Variants in PABPC1L observed in about 807,000 individuals in gnomAD.
PABPC1L encodes polyadenylate-binding protein 1-like.
Under a neutral mutation model 66.6 loss-of-function variants are expected in PABPC1L, and 31 were observed. The ratio of observed to expected loss-of-function variants is 0.47; its 90% CI spans 0.35 to 0.63. PABPC1L has a LOEUF of 0.63. Ranked by LOEUF, PABPC1L falls within the 20% of genes least tolerant of loss-of-function variation. The pLI is 0.00. For synonymous variants in PABPC1L, 348 were observed against 335.1 expected, an observed-to-expected ratio of 1.04 and a Z score of -0.42; for missense variants, 722 against 848.8, an observed-to-expected ratio of 0.85 and a Z score of 1.86.
intron 7 of PABPC1L, among the ~76,000 whole-genome samples, chr20:44,926,884 T>A (rs192230817): frequency 6.6e-6 from 1 of 151,710 alleles, no homozygotes; most frequent in Non-Finnish European, 1.5e-5. Context: ...TTTATTATTA[T>A]TTTTTATTAG....
intron 7 of PABPC1L, among the ~76,000 whole-genome samples, chr20:44,929,628 C>A (rs539579829): frequency 8.8e-4 from 134 of 151,808 alleles, no homozygotes; most frequent in South Asian, 1.0e-3. Context: ...AACCCTCTCT[C>A]TACTGAAAAT....
chr20:44,925,664 C>G (rs1180689883), intron 7 of PABPC1L, among the ~76,000 whole-genome samples: 1 of 152,184 alleles, frequency 6.6e-6, no homozygotes, highest in Non-Finnish European at 1.5e-5. Context: ...AAACATCCTT[C>G]AGGGAGCCTT....
intron 7 of PABPC1L, among the ~76,000 whole-genome samples, chr20:44,926,870 T>C (rs186978210): frequency 4.6e-5 from 7 of 151,580 alleles, no homozygotes; most frequent in Admixed American, 4.6e-4. Flanking sequence ...TTTATATATT[T>C]TGGTTTATTA....
chr20:44,938,458 A>G (rs2066918732), intron 13 of PABPC1L, among the ~76,000 whole-genome samples: 2 of 152,158 alleles, frequency 1.3e-5, no homozygotes, highest in Admixed American at 1.3e-4. Context: ...GTAAGGGTTA[A>G]GATTTTTCCA....
intron 10 of PABPC1L, among the ~76,000 whole-genome samples, chr20:44,933,549 G>C (rs1052707054): frequency 6.6e-6 from 1 of 151,542 alleles, no homozygotes; most frequent in African/African-American, 2.4e-5. Context: ...AGGTTCAAGC[G>C]ATTGTCCTGC....
Position 44,939,170 on chromosome 20 carries a change from C to G in PABPC1L, c.*51C>G, listed in dbSNP as rs2664530. The G allele has an allele frequency of 1.4e-6, 1 of 717,974 alleles. No homozygotes were observed. The highest frequency in any genetic ancestry group is 1.7e-5 in the African/African-American group (1 of 57,280). The allele number at this position is 717,974 out of a possible 1,614,324, so 44.5% of individuals were successfully genotyped here. On this transcript the variant is annotated 3_prime_UTR_variant, in exon 15 of 15. Transcript: ENST00000217073. ...CATGGCTGCCAAAAGGACAGTGTTT[C>G]TGGCTCTCAGCCCTAAGGCCCTGCA...
chr20:44,935,461 G>C lies in PABPC1L; in HGVS notation c.1530G>C (p.Pro510=), dbSNP rs543571234. Reference sequence around the variant, plus strand: ...GTACACCAGGCCGGCCGCTCCTGCCGTGCAAATGTTCCTCAGCAGCACATA... The same window carrying C: ...GTACACCAGGCCGGCCGCTCCTGCCCTGCAAATGTTCCTCAGCAGCACATA... ...GCCTPGRPLL[P]CKCSSAAHST... Residue 510 remains proline (P), a synonymous_variant, in exon 11 of 15, where the codon CCG becomes CCC. Transcript: ENST00000217073. 6.2e-7 allele frequency: 1 copy of C among 1,614,152 alleles called. No homozygotes were observed. The highest frequency in any genetic ancestry group is 1.7e-5 in the Admixed American group (1 of 60,004).
chr20:44,935,630 C>T, intron 11 of PABPC1L, 133 bp downstream of exon 11: 1 of 615,914 alleles, frequency 1.6e-6, no homozygotes. Context: ...TGTGTACAAT[C>T]AATAAGAGAT....
At chr20:44,923,932 T>C (rs1426158041) in intron 6 of PABPC1L, among the ~76,000 whole-genome samples, 1 of 152,136 alleles carries the variant, frequency 6.6e-6, no homozygotes, top group Non-Finnish European at 1.5e-5. Flanking sequence ...CTGGGACCAG[T>C]GCAGATGTGT....
chr20:44,921,945 G>A (rs1373603939), intron 6 of PABPC1L, among the ~76,000 whole-genome samples: 4 of 152,172 alleles, frequency 2.6e-5, no homozygotes, highest in Non-Finnish European at 5.9e-5. Context: ...GGGTTAGTAG[G>A]GGTGCTGGGG....
rs1601130840 is a variant in PABPC1L, at chr20:44,939,111, C to A, written c.*7-15C>A. On this transcript the variant is annotated splice_polypyrimidine_tract_variant and intron_variant, in intron 14 of 14. Coordinates refer to ENST00000217073, the MANE Select transcript of PABPC1L (RefSeq NM_001372179.1). ...CATACTTTAAAAACACTTATTTTTA[C>A]CTTTTTGTCCTCAGAAAAGGAAATC... 1 of 717,790 alleles carries A rather than the reference C, an allele frequency of 1.4e-6. No individual in the cohort carries two copies. The highest frequency in any genetic ancestry group is 2.7e-5 in the East Asian group (1 of 37,296). The allele number at this position is 717,790 out of a possible 1,614,324, so 44.5% of individuals were successfully genotyped here. A position where few individuals can be genotyped will look rare whatever the true frequency, so the allele number is the denominator to read the frequency against.
At chr20:44,934,376 G>A (rs539113078) in intron 10 of PABPC1L, among the ~76,000 whole-genome samples, 3 of 152,178 alleles carry the variant, frequency 2.0e-5, no homozygotes, top group Non-Finnish European at 4.4e-5. Context: ...ACAGATCAAT[G>A]GCATTAAGTA....
intron 10 of PABPC1L, 49 bp from the exon 11 acceptor site, chr20:44,935,342 C>T (rs2066892999): frequency 1.5e-6 from 2 of 1,374,988 alleles, no homozygotes; most frequent in Admixed American, 3.4e-5. Context: ...TTTTGGATAG[C>T]AGCTATTTGA....
At position 44,936,703 on chromosome 20, in the gene PABPC1L, C is replaced by T. The variant is rs775397387; in HGVS notation, c.1633C>T (p.Pro545Ser). The change falls in exon 12 of 15, where the codon CCC becomes TCC. Residue 545 changes from proline (P) to serine (S), a missense_variant. Coordinates refer to ENST00000217073, the MANE Select transcript of PABPC1L (RefSeq NM_001372179.1). The part of the protein sequence containing the change: ...PLTASMLAAA[P>S]LHEQKQMIGE... ...GACCGCGTCCATGCTGGCTGCGGCG[C>T]CCCTGCATGAGCAAAAGCAGATGAT... is the stretch of plus-strand genomic sequence containing the variant. The T allele has an allele frequency of 2.5e-5, 41 of 1,608,514 alleles. No homozygotes were observed. The highest frequency in any genetic ancestry group is 1.6e-4 in the Middle Eastern group (1 of 6,070).
intron 6 of PABPC1L, among the ~76,000 whole-genome samples, chr20:44,922,051 G>T (rs183209702): frequency 9.9e-4 from 150 of 152,228 alleles, no homozygotes; most frequent in Non-Finnish European, 1.1e-3. Flanking sequence ...GACAACCAAA[G>T]TACCCCGCAT....
rs979191905 is a variant in PABPC1L at position 44,910,347 on chromosome 20, G to C, written c.193+11G>C. 2 of 1,492,900 alleles carry C rather than the reference G, an allele frequency of 1.3e-6. No individual in the cohort carries two copies. Among genetic ancestry groups the C allele is most frequent in the African/African-American group, 2.9e-5 (2 of 70,086 alleles). The allele number at this position is 1,492,900 out of a possible 1,614,324, so 92.5% of individuals were successfully genotyped here. A position where few individuals can be genotyped will look rare whatever the true frequency, so the allele number is the denominator to read the frequency against. ...AGCAGCCCGCGGACGGTGAGCCCCGGGGATGGGGCGGGAGGGGAAGGACCG... is the reference window on the plus strand; with the variant it reads ...AGCAGCCCGCGGACGGTGAGCCCCGCGGATGGGGCGGGAGGGGAAGGACCG... On this transcript the variant is annotated intron_variant, in intron 1 of 14. Transcript: ENST00000217073.
rs769938671 is a variant in PABPC1L at position 44,930,719 on chromosome 20, T to C, written c.1232T>C (p.Met411Thr). The change falls in exon 8 of 15, where the codon ATG (methionine) becomes ACG (threonine). Residue 411 changes from methionine (M) to threonine (T), a missense_variant. Met to Thr is a moderately conservative substitution (Grantham distance 81, BLOSUM62 -1). Around this residue, in one of 3 missense-constraint regions of PABPC1L, gnomAD observed 301 missense variants for 337.2 expected, o/e 0.89. Coordinates refer to ENST00000217073, the MANE Select transcript of PABPC1L (RefSeq NM_001372179.1). ...QQPSSYFLPA[M>T]PQPPAQAAYY... ...CCCTCCAGCTACTTCCTGCCTGCCA[T>C]GCCCCAGGTGACGGCCTGCCCGCAA... The C allele has an allele frequency of 1.9e-6, 3 of 1,613,072 alleles. No homozygotes were observed. Among genetic ancestry groups the C allele is most frequent in the Non-Finnish European group, 2.5e-6 (3 of 1,179,742 alleles).
At chr20:44,935,300 T>G in intron 10 of PABPC1L, 91 bp from the exon 11 acceptor site, 2 of 900,848 alleles carry the variant, frequency 2.2e-6, no homozygotes, top group South Asian at 2.9e-5. Context: ...GCTTGTTATT[T>G]TCTGTTTTGG....
Position 44,930,580 on chromosome 20 carries a change from G to T in PABPC1L, c.1093G>T (p.Val365Leu). Residue 365 changes from valine (V) to leucine (L), a missense_variant, in exon 8 of 15, where the codon GTG becomes TTG. Val to Leu is a conservative substitution (Grantham distance 32). Transcript: ENST00000217073. ...GRIVGTKPLY[V>L]ALAQRKEERK... is the part of the protein sequence containing the mutation. Reference sequence around the variant, plus strand: ...CATCGTGGGCACCAAGCCACTCTACGTGGCACTGGCCCAGCGCAAAGAGGA... The same window carrying T: ...CATCGTGGGCACCAAGCCACTCTACTTGGCACTGGCCCAGCGCAAAGAGGA... 1.2e-5 allele frequency: 20 copies of T among 1,614,250 alleles called. No individual in the cohort carries two copies. Among genetic ancestry groups the T allele is most frequent in the Non-Finnish European group, 1.7e-5 (20 of 1,180,042 alleles).
Sources: gnomAD v4.1 joint callset for allele counts (sites outside exome capture counted in the v4.1 genomes callset) on GRCh38, gnomAD v4.1.1 for gene constraint, gnomAD v4.1.1 regional missense constraint, MANE v1.5 for transcripts, NCBI Gene and HGNC (gene_info 2026-07-23, HGNC 2026-07-21) for gene names.